The following INPP5B variants were observed in gnomAD, a reference collection of about 807,000 sequenced individuals.
The protein encoded by INPP5B is type II inositol 1,4,5-trisphosphate 5-phosphatase.
In INPP5B, 90 loss-of-function variants were observed where a neutral mutation model predicts 118.5. The observed-to-expected ratio is 0.76, with a 90% confidence interval of 0.64 to 0.90. The LOEUF (loss-of-function observed/expected upper bound fraction) is 0.90, where lower values mean the gene tolerates loss of function less well. Ranked by LOEUF, INPP5B falls within the 40% of genes least tolerant of loss-of-function variation. The pLI is 0.00. For missense variants in INPP5B, 984 were observed against 1,125.6 expected (o/e 0.87, Z 1.80); for synonymous variants, 385 against 418.9 (o/e 0.92, Z 0.99).
intron 18 of INPP5B, 103 bp downstream of exon 18, chr1:37,873,890 G>T: frequency 1.2e-6 from 1 of 859,952 alleles, no homozygotes; most frequent in Non-Finnish European, 1.6e-6. Flanking sequence ...CTCAAGCAGA[G>T]AATAAAACAC....
intron 19 of INPP5B, among the ~76,000 whole-genome samples, chr1:37,869,634 T>C (rs1293534048): frequency 6.6e-6 from 1 of 151,802 alleles, no homozygotes; most frequent in Non-Finnish European, 1.5e-5. Context: ...CGCCCACCAC[T>C]GCACCCAGCT....
intron 20 of INPP5B, among the ~76,000 whole-genome samples, chr1:37,867,922 C>T (rs141984100): frequency 1.2e-3 from 185 of 152,236 alleles, no homozygotes; most frequent in African/African-American, 4.2e-3. Flanking sequence ...TGAGAGGCCT[C>T]CAGGCAGCTT....
In INPP5B at chr1:37,905,767, C is replaced by G. The variant is rs1226405624; in HGVS notation, c.533-14313G>C. On this transcript the variant is annotated intron_variant, in intron 7 of 23. Transcript: ENST00000373024. ...AGGACTCATGCAAAGCTGAAATGTT[C>G]ATGAATGTCAATCAGAACAGAAGTT... Among the ~76,000 whole-genome samples the G allele has an allele frequency of 3.3e-5, 5 of 152,294 alleles. No homozygotes were observed. The South Asian group carries it at 1.0e-3, about 32-fold the overall frequency.
chr1:37,893,954 G>A (rs1310456279), intron 7 of INPP5B, among the ~76,000 whole-genome samples: 2 of 152,166 alleles, frequency 1.3e-5, no homozygotes, highest in Non-Finnish European at 2.9e-5. Flanking sequence ...TTTCTGTAAA[G>A]GGCCACAGAG....
At chr1:37,931,773 G>T (rs766429146) in intron 7 of INPP5B, 140 bp downstream of exon 7, 5 of 1,604,390 alleles carry the variant, frequency 3.1e-6, no homozygotes, top group Non-Finnish European at 8.5e-7. Context: ...TCCGCCCCCA[G>T]ACGAACCCGC....
intron 7 of INPP5B, among the ~76,000 whole-genome samples, chr1:37,893,074 ATTTTCT>A (rs1643893822): frequency 1.2e-5 from 1 of 84,822 alleles, no homozygotes; most frequent in Non-Finnish European, 2.4e-5. Flanking sequence ...TTTTTTTATT[ATTTTCT>A]TTTTCTTTTT....
intron 13 of INPP5B, among the ~76,000 whole-genome samples, chr1:37,884,759 G>A (rs944582280): frequency 6.6e-6 from 1 of 151,884 alleles, no homozygotes; most frequent in African/African-American, 2.4e-5. Context: ...AGACCAGCCT[G>A]GCCAACATGG....
chr1:37,877,815 CT>C (rs1273634297), intron 16 of INPP5B, among the ~76,000 whole-genome samples: 1 of 152,024 alleles, frequency 6.6e-6, no homozygotes, highest in African/African-American at 2.4e-5. Flanking sequence ...GAAAGATCTC[CT>C]AAGACATATT....
At chr1:37,910,102 T>C (rs1420084286) in intron 7 of INPP5B, among the ~76,000 whole-genome samples, 1 of 152,220 alleles carries the variant, frequency 6.6e-6, no homozygotes, top group Admixed American at 6.5e-5. Flanking sequence ...CCTTCCCAGA[T>C]CGTCTCAGCT....
intron 7 of INPP5B, among the ~76,000 whole-genome samples, chr1:37,928,360 TTTTTGTTTTG>T (rs200901722): frequency 6.6e-6 from 1 of 151,542 alleles, no homozygotes; most frequent in East Asian, 2.0e-4. Flanking sequence ...TTTTGGGGTT[TTTTTGTTTTG>T]TTTTGTTTTG....
At chr1:37,932,428 G>A (rs1216609606) in intron 6 of INPP5B, among the ~76,000 whole-genome samples, 1 of 146,460 alleles carries the variant, frequency 6.8e-6, no homozygotes, top group Non-Finnish European at 1.5e-5. Flanking sequence ...GAGTGCAGTG[G>A]AGCGATCTCC....
At chr1:37,883,396 G>C (rs1273493722) in intron 13 of INPP5B, 2 of 985,260 alleles carry the variant, frequency 2.0e-6, no homozygotes, top group Non-Finnish European at 2.4e-6. Context: ...CTTTATAGTG[G>C]AGCCTGGATT....
chr1:37,872,889 G>T (rs760898870), intron 19 of INPP5B, 41 bp downstream of exon 19: 1 of 1,467,314 alleles, frequency 6.8e-7, no homozygotes, highest in Non-Finnish European at 9.5e-7. Flanking sequence ...TGGCTTGTCT[G>T]CTACAAAGTT....
intron 7 of INPP5B, among the ~76,000 whole-genome samples, chr1:37,905,341 C>T (rs900808058): frequency 6.6e-6 from 1 of 152,154 alleles, no homozygotes; most frequent in African/African-American, 2.4e-5. Context: ...CCAGAGGTTG[C>T]AGTGAGCTGA....
chr1:37,903,405 C>T (rs1377479026), intron 7 of INPP5B, among the ~76,000 whole-genome samples: 2 of 152,046 alleles, frequency 1.3e-5, no homozygotes, highest in African/African-American at 4.8e-5. Flanking sequence ...AATAATCTAC[C>T]CCTCGTTTAG....
intron 16 of INPP5B, 89 bp from the exon 17 acceptor site, chr1:37,875,805 A>G (rs1642763957): frequency 1.3e-6 from 1 of 791,366 alleles, no homozygotes; most frequent in South Asian, 1.5e-5. Context: ...ACTGGGAAAT[A>G]GCAGTTGATA....
intron 7 of INPP5B, among the ~76,000 whole-genome samples, chr1:37,903,389 G>A: frequency 6.6e-6 from 1 of 152,160 alleles, no homozygotes; most frequent in East Asian, 1.9e-4. Context: ...AAAATGGGGA[G>A]GCTTGAATAA....
intron 7 of INPP5B, chr1:37,931,689 C>G: frequency 6.5e-7 from 1 of 1,529,018 alleles, no homozygotes; most frequent in Non-Finnish European, 8.8e-7. Flanking sequence ...TGTTGCGCTC[C>G]CGAGAGCCGG....
At chr1:37,939,604 C>T (rs887825117) in intron 6 of INPP5B, among the ~76,000 whole-genome samples, 3 of 150,968 alleles carry the variant, frequency 2.0e-5, no homozygotes, top group Admixed American at 1.3e-4. Context: ...GCCACCATGC[C>T]CGGCTAATTT....
Sources: gnomAD v4.1 joint callset for allele counts (sites outside exome capture counted in the v4.1 genomes callset) on GRCh38, gnomAD v4.1.1 for gene constraint, MANE v1.5 for transcripts, NCBI Gene and HGNC (gene_info 2026-07-23, HGNC 2026-07-21) for gene names.